Variants in APBB2 observed in about 807,000 individuals in gnomAD.
The protein encoded by APBB2 is Fe65-like 1.
In APBB2, 38 loss-of-function variants were observed where a neutral mutation model predicts 82.5. The ratio of observed to expected loss-of-function variants is 0.46; its 90% CI spans 0.36 to 0.60. The LOEUF (loss-of-function observed/expected upper bound fraction) is 0.60. APBB2 is among the 20% of genes least tolerant of loss of function. The pLI, the probability that APBB2 is intolerant of heterozygous loss-of-function variation, is 0.00. For missense variants in APBB2, 772 were observed against 972.3 expected, an observed-to-expected ratio of 0.79 and a Z score of 2.74; for synonymous variants, 341 against 368.2, an observed-to-expected ratio of 0.93 and a Z score of 0.85.
At chr4:40,942,675 G>A (rs28716760) in intron 7 of APBB2, among the ~76,000 whole-genome samples, 55,450 of 151,758 alleles carry the variant, frequency 0.37, 10,487 homozygotes, top group Middle Eastern at 0.44. Context: ...TCCAGGGCAG[G>A]AGGTGCCAAG....
chr4:40,898,420 C>T (rs919790681), intron 10 of APBB2, among the ~76,000 whole-genome samples: 2 of 151,232 alleles, frequency 1.3e-5, no homozygotes, highest in South Asian at 2.1e-4. Context: ...TGCGCCACCA[C>T]GCCTCGCTAA....
At chr4:41,043,525 C>T (rs992040270) in intron 4 of APBB2, among the ~76,000 whole-genome samples, 1 of 152,114 alleles carries the variant, frequency 6.6e-6, no homozygotes, top group Non-Finnish European at 1.5e-5. Context: ...ATTTTAAAAT[C>T]TTTTTATGGT....
chr4:40,966,691 GC>G (rs1794747661), intron 6 of APBB2, among the ~76,000 whole-genome samples: 1 of 152,174 alleles, frequency 6.6e-6, no homozygotes, highest in Non-Finnish European at 1.5e-5. Flanking sequence ...TGGCATACCA[GC>G]CCCCTGCTGC....
intron 6 of APBB2, among the ~76,000 whole-genome samples, chr4:40,945,676 G>A (rs1168674164): frequency 1.3e-5 from 2 of 152,086 alleles, no homozygotes; most frequent in East Asian, 1.9e-4. Context: ...GCAGTGGTGC[G>A]ATCCCGGCTC....
At chr4:41,022,090 T>C (rs1711785715) in intron 5 of APBB2, among the ~76,000 whole-genome samples, 1 of 152,126 alleles carries the variant, frequency 6.6e-6, no homozygotes, top group Non-Finnish European at 1.5e-5. Context: ...ATTCTTGAAG[T>C]CAGCAAGACC....
intron 12 of APBB2, among the ~76,000 whole-genome samples, chr4:40,860,850 CCATTTTG>C (rs931373499): frequency 2.6e-5 from 4 of 152,094 alleles, no homozygotes; most frequent in African/African-American, 9.7e-5. Context: ...TAACAAATTT[CCATTTTG>C]CAAATGCCTA....
chr4:41,055,187 T>C (rs1451715001), intron 4 of APBB2, among the ~76,000 whole-genome samples: 1 of 152,220 alleles, frequency 6.6e-6, no homozygotes, highest in Non-Finnish European at 1.5e-5. Flanking sequence ...ATGCTTCAGA[T>C]TGCAGCTCAA....
chr4:40,904,684 C>CTTTTTTTTTT (rs5857754), intron 10 of APBB2, among the ~76,000 whole-genome samples: 1 of 133,850 alleles, frequency 7.5e-6, no homozygotes, highest in African/African-American at 2.8e-5. Context: ...TTTGTTATTG[C>CTTTTTTTTTT]TTTTTTTTTT....
At chr4:40,946,249 A>AC (rs1348455292) in intron 6 of APBB2, among the ~76,000 whole-genome samples, 2 of 150,906 alleles carry the variant, frequency 1.3e-5, no homozygotes, top group South Asian at 2.1e-4. Flanking sequence ...AAAAAAAAAA[A>AC]AAAAACATTC....
chr4:41,129,355 G>A (rs962363898), intron 2 of APBB2, among the ~76,000 whole-genome samples: 9 of 152,086 alleles, frequency 5.9e-5, no homozygotes, highest in Non-Finnish European at 1.3e-4. Flanking sequence ...TGACTACACA[G>A]ATGGCACATT....
chr4:41,064,104 G>C (rs576066230), intron 4 of APBB2, among the ~76,000 whole-genome samples: 4 of 151,592 alleles, frequency 2.6e-5, no homozygotes, highest in Non-Finnish European at 4.4e-5. Flanking sequence ...TCAGCCTCCC[G>C]AGTAGCTGGG....
In APBB2 at chr4:41,005,485, T is replaced by G. The variant is rs1055809962; in HGVS notation, c.835+8098A>C. Among the ~76,000 whole-genome samples, 24 of 152,184 alleles carry G rather than the reference T, an allele frequency of 1.6e-4. 1 individual carries two copies. The highest frequency in any genetic ancestry group is 7.3e-5 in the Non-Finnish European group (5 of 68,032). On this transcript the variant is annotated intron_variant, in intron 6 of 17. Coordinates refer to ENST00000508593, the MANE Select transcript of APBB2 (RefSeq NM_004307.2). ...TGATGAAATTTGACCAGAAAATTTCTGAAAGTGTCCAGTAGTGTTTTTGTC... is the reference window on the plus strand; with the variant it reads ...TGATGAAATTTGACCAGAAAATTTCGGAAAGTGTCCAGTAGTGTTTTTGTC...
chr4:40,985,388 C>T lies in APBB2; in HGVS notation c.835+28195G>A, dbSNP rs73134315. On this transcript the variant is annotated intron_variant, in intron 6 of 17. Coordinates refer to ENST00000508593, the MANE Select transcript of APBB2 (RefSeq NM_004307.2). Reference sequence around the variant, plus strand: ...TAGGAAGCTATGTTTAATTGAGTTACCTATGGTCCATTTCAGCAGGATTAT... The same window carrying T: ...TAGGAAGCTATGTTTAATTGAGTTATCTATGGTCCATTTCAGCAGGATTAT... Among the ~76,000 whole-genome samples the T allele has an allele frequency of 9.1e-3, 1,388 of 152,004 alleles. 29 individuals are homozygous for T. Among genetic ancestry groups the T allele is most frequent in the African/African-American group, 0.032 (1,318 of 41,458 alleles).
chr4:40,913,239 T>C (rs1351599578), intron 10 of APBB2, among the ~76,000 whole-genome samples: 2 of 152,200 alleles, frequency 1.3e-5, no homozygotes, highest in African/African-American at 4.8e-5. Context: ...TGTGGGCCAA[T>C]GGTGAAGTTA....
At chr4:40,954,813 A>G (rs911070125) in intron 6 of APBB2, among the ~76,000 whole-genome samples, 24 of 152,168 alleles carry the variant, frequency 1.6e-4, no homozygotes, top group Non-Finnish European at 3.1e-4. Context: ...ATAGGCACAC[A>G]CCATCACACC....
At chr4:41,134,408 T>C (rs1417154069) in intron 2 of APBB2, among the ~76,000 whole-genome samples, 2 of 152,036 alleles carry the variant, frequency 1.3e-5, no homozygotes, top group East Asian at 3.9e-4. Flanking sequence ...TGAAACCCCA[T>C]CTCTACTAAA....
chr4:40,837,599 A>C (rs1277610336), intron 12 of APBB2, among the ~76,000 whole-genome samples: 2 of 152,188 alleles, frequency 1.3e-5, no homozygotes, highest in Admixed American at 6.5e-5. Context: ...ATCAGACACG[A>C]TCTGTCTGAC....
chr4:40,996,821 C>T (rs1372122949), intron 6 of APBB2, among the ~76,000 whole-genome samples: 1 of 152,150 alleles, frequency 6.6e-6, no homozygotes. Context: ...CTGTAAAACT[C>T]TCATAATCAC....
chr4:40,852,233 C>T (rs564931330), intron 12 of APBB2, among the ~76,000 whole-genome samples: 10 of 151,782 alleles, frequency 6.6e-5, no homozygotes, highest in South Asian at 2.1e-4. Flanking sequence ...TGCCTGTAAT[C>T]CCATCTATTT....
Sources: gnomAD v4.1 joint callset for allele counts (sites outside exome capture counted in the v4.1 genomes callset) on GRCh38, gnomAD v4.1.1 for gene constraint, MANE v1.5 for transcripts, NCBI Gene and HGNC (gene_info 2026-07-23, HGNC 2026-07-21) for gene names.